The following SORCS1 variants were observed in gnomAD, a reference collection of about 807,000 sequenced individuals.
SORCS1 encodes the protein sortilin related VPS10 domain containing receptor 1, also known as VPS10 domain-containing receptor SorCS1.
A neutral mutation model predicts 146.1 loss-of-function variants in SORCS1; 60 were observed. The ratio of observed to expected loss-of-function variants is 0.41; its 90% CI spans 0.33 to 0.51. The LOEUF (loss-of-function observed/expected upper bound fraction) is 0.51, where lower values mean the gene tolerates loss of function less well. SORCS1 is among the 20% of genes least tolerant of loss of function. The probability of loss-of-function intolerance (pLI) is 0.21; values close to 1 mark genes in which losing one functional copy is unlikely to be tolerated. For missense variants in SORCS1, 1,352 were observed against 1,487.6 expected (o/e 0.91, Z 1.50); for synonymous variants, 637 against 584.0 (o/e 1.09, Z -1.31).
intron 1 of SORCS1, among the ~76,000 whole-genome samples, chr10:107,021,391 G>A (rs1476821228): frequency 6.6e-6 from 1 of 151,340 alleles, no homozygotes; most frequent in Non-Finnish European, 1.5e-5. Context: ...GCGGGTGCCT[G>A]TAGTCCCAGC....
At chr10:106,661,556 T>G (rs1335491385) in intron 17 of SORCS1, among the ~76,000 whole-genome samples, 1 of 152,208 alleles carries the variant, frequency 6.6e-6, no homozygotes, top group African/African-American at 2.4e-5. Flanking sequence ...AGAGGAGTCT[T>G]CAGACAATAA....
At chr10:106,741,010 T>C (rs1252912603) in intron 5 of SORCS1, among the ~76,000 whole-genome samples, 1 of 152,160 alleles carries the variant, frequency 6.6e-6, no homozygotes, top group Non-Finnish European at 1.5e-5. Context: ...AAAGACGAAA[T>C]ACGTGTAGCT....
At chr10:106,982,226 C>A (rs181941812) in intron 1 of SORCS1, among the ~76,000 whole-genome samples, 1 of 152,286 alleles carries the variant, frequency 6.6e-6, no homozygotes, top group East Asian at 1.9e-4. Context: ...TCTTTAGACT[C>A]AACCAAGACT....
At position 107,094,195 on chromosome 10, in the gene SORCS1, C is replaced by T. The variant is rs550813930; in HGVS notation, c.558+69774G>A. Among the ~76,000 whole-genome samples, 4 of 151,340 alleles carry T rather than the reference C, an allele frequency of 2.6e-5. No individual in the cohort carries two copies. In the South Asian group the frequency reaches 8.4e-4, roughly 32 times the overall value. On this transcript the variant is annotated intron_variant, in intron 1 of 25. Transcript: ENST00000263054. Reference sequence around the variant, plus strand: ...TGAAGGCAAACATTTTTTTTTAATTCCCTCCTACACCCCCAGCACTCAAAC... The same window carrying T: ...TGAAGGCAAACATTTTTTTTTAATTTCCTCCTACACCCCCAGCACTCAAAC...
intron 2 of SORCS1, among the ~76,000 whole-genome samples, chr10:106,901,931 C>G (rs946353637): frequency 6.6e-6 from 1 of 151,876 alleles, no homozygotes; most frequent in Admixed American, 6.6e-5. Context: ...GTAGTCCCAG[C>G]TACTCGGGAG....
chr10:106,775,186 G>T (rs915566007), intron 4 of SORCS1, among the ~76,000 whole-genome samples: 2 of 152,194 alleles, frequency 1.3e-5, no homozygotes, highest in Non-Finnish European at 2.9e-5. Context: ...GCATCGGTGG[G>T]GGGGAATTAA....
chr10:106,778,149 G>A (rs1860603546), intron 3 of SORCS1, among the ~76,000 whole-genome samples: 1 of 152,040 alleles, frequency 6.6e-6, no homozygotes, highest in African/African-American at 2.4e-5. Flanking sequence ...GGCACAAAAG[G>A]ATTGCATGCC....
chr10:106,829,281 T>C lies in SORCS1; in HGVS notation c.726+293A>G, dbSNP rs188119457. On this transcript the variant is annotated intron_variant, in intron 3 of 25. Coordinates refer to ENST00000263054, the MANE Select transcript of SORCS1 (RefSeq NM_052918.5). ...ACTCATTCTGACTCTTCTGATTGAC[T>C]GGTCAGAACTCTTACTAGAGAGTCA... Among the ~76,000 whole-genome samples, 3 of 152,360 alleles carry C rather than the reference T, an allele frequency of 2.0e-5. No individual in the cohort carries two copies. In the East Asian group the frequency reaches 5.8e-4, roughly 29 times the overall value.
chr10:106,812,449 C>T (rs1006681191), intron 3 of SORCS1, among the ~76,000 whole-genome samples: 8 of 152,172 alleles, frequency 5.3e-5, no homozygotes, highest in African/African-American at 1.2e-4. Flanking sequence ...TTCTTTAAAA[C>T]GTGTGAGTGT....
chr10:106,924,465 CG>C (rs1952889723), intron 2 of SORCS1, among the ~76,000 whole-genome samples: 1 of 77,572 alleles, frequency 1.3e-5, no homozygotes, highest in Non-Finnish European at 3.2e-5. Flanking sequence ...CCACAGTTAT[CG>C]ATCTATCTAT....
At chr10:106,813,729 G>A (rs1947594676) in intron 3 of SORCS1, among the ~76,000 whole-genome samples, 1 of 152,164 alleles carries the variant, frequency 6.6e-6, no homozygotes. Flanking sequence ...GGGCCCAGGA[G>A]TTTGAGACTA....
intron 5 of SORCS1, among the ~76,000 whole-genome samples, chr10:106,736,267 C>A (rs1472333550): frequency 2.0e-5 from 3 of 152,132 alleles, no homozygotes; most frequent in African/African-American, 7.2e-5. Context: ...ATGTAGATAA[C>A]CGCAGAGCAA....
intron 1 of SORCS1, among the ~76,000 whole-genome samples, chr10:107,102,359 A>G (rs1313996314): frequency 1.3e-5 from 2 of 152,098 alleles, no homozygotes; most frequent in Admixed American, 1.3e-4. Context: ...ATTTGAGACG[A>G]CCTCTGGATA....
At chr10:106,928,793 G>A (rs1023315680) in intron 2 of SORCS1, among the ~76,000 whole-genome samples, 6 of 152,058 alleles carry the variant, frequency 3.9e-5, no homozygotes, top group African/African-American at 1.4e-4. Context: ...TGTCTCAAAA[G>A]GGGAAAAGGA....
chr10:106,940,211 T>C (rs1159652504), intron 2 of SORCS1, among the ~76,000 whole-genome samples: 1 of 152,212 alleles, frequency 6.6e-6, no homozygotes, highest in Non-Finnish European at 1.5e-5. Flanking sequence ...AACATGACAT[T>C]TGAGTAAACT....
intron 18 of SORCS1, among the ~76,000 whole-genome samples, chr10:106,651,734 C>A (rs919017547): frequency 1.3e-5 from 2 of 152,072 alleles, no homozygotes; most frequent in East Asian, 3.9e-4. Flanking sequence ...GACCATCTTC[C>A]CCATTTACAA....
intron 12 of SORCS1, among the ~76,000 whole-genome samples, chr10:106,678,698 C>T (rs981472281): frequency 3.3e-5 from 5 of 152,178 alleles, no homozygotes; most frequent in African/African-American, 1.2e-4. Flanking sequence ...GCAGGAAGCA[C>T]TTAAGCTAAA....
chr10:106,804,607 T>C (rs1426496023), intron 3 of SORCS1, among the ~76,000 whole-genome samples: 1 of 151,964 alleles, frequency 6.6e-6, no homozygotes, highest in Admixed American at 6.6e-5. Context: ...AAATGCCAAA[T>C]GTAAGATGCT....
At chr10:107,046,975 GTATTT>G (rs1174005783) in intron 1 of SORCS1, among the ~76,000 whole-genome samples, 1 of 152,058 alleles carries the variant, frequency 6.6e-6, no homozygotes, top group Non-Finnish European at 1.5e-5. Context: ...TTGTTTTGCT[GTATTT>G]TATTTTATTT....
Sources: allele counts gnomAD v4.1 joint callset (sites outside exome capture counted in the v4.1 genomes callset), GRCh38; gene constraint gnomAD v4.1.1; transcripts MANE v1.5; gene names NCBI Gene and HGNC (gene_info 2026-07-23, HGNC 2026-07-21).